The following PCDHGA7 variants were observed in gnomAD, a reference collection of about 807,000 sequenced individuals.
PCDHGA7 encodes the protein protocadherin gamma-A7.
A neutral mutation model predicts 58.3 loss-of-function variants in PCDHGA7; 44 were observed. That is an observed-to-expected ratio of 0.75 (90% confidence interval 0.59 to 0.97). PCDHGA7 has a LOEUF of 0.97. Ranked by LOEUF, PCDHGA7 falls within the 50% of genes least tolerant of loss-of-function variation. The pLI, the probability that PCDHGA7 is intolerant of heterozygous loss-of-function variation, is 0.00. For synonymous variants in PCDHGA7, 516 were observed against 504.2 expected (o/e 1.02, Z -0.31); for missense variants, 1,266 against 1,188.7 (o/e 1.06, Z -0.96).
chr5:141,395,370 G>C, intron 1 of PCDHGA7: 1 of 1,207,198 alleles, frequency 8.3e-7, no homozygotes, highest in Non-Finnish European at 1.1e-6. Context: ...GTTTATTTTG[G>C]TGGTGTTACT....
In PCDHGA7 at chr5:141,383,906, C is replaced by T. The variant is rs1779578930; in HGVS notation, c.1007C>T (p.Thr336Ile). 6.2e-7 allele frequency: 1 copy of T among 1,613,814 alleles called. No homozygotes were observed. Among genetic ancestry groups the T allele is most frequent in the African/African-American group, 1.3e-5 (1 of 74,912 alleles). The change falls in exon 1 of 4, where the codon ACA (threonine) becomes ATA (isoleucine). Residue 336 changes from threonine (T) to isoleucine (I), a missense_variant. Transcript: ENST00000518325. ...CTGACAAAGGCAAAAGTACTGATCA[C>T]AGTTTTAGATGTAAATGATAATGCT... ...GSLTKAKVLI[T>I]VLDVNDNAPE... is the part of the protein sequence containing the mutation.
rs550977374 is a variant in PCDHGA7, at chr5:141,447,118, G to A, written c.2425-47689G>A. 9.2e-5 allele frequency among the ~76,000 whole-genome samples: 14 copies of A among 151,984 alleles called. No individual in the cohort carries two copies. The East Asian group carries it at 2.7e-3, about 29-fold the overall frequency. ...TTCACATGATTATATGTGCTCCATGGATTTTTTTGTTTGTTTGTTTTTTGT... is the reference window on the plus strand; with the variant it reads ...TTCACATGATTATATGTGCTCCATGAATTTTTTTGTTTGTTTGTTTTTTGT... On this transcript the variant is annotated intron_variant, in intron 1 of 3. Transcript: ENST00000518325.
At position 141,493,841 on chromosome 5, in the gene PCDHGA7, T is replaced by C. The variant is rs774682943; in HGVS notation, c.2425-966T>C. On this transcript the variant is annotated intron_variant, in intron 1 of 3. Transcript: ENST00000518325. The surrounding 1 kb of genome is among the most constrained non-coding windows in gnomAD (Gnocchi z 4.3). ...CTCTGCTTCTGGGAGCAAGTATGAGTATTAATTACCAGCCCACCCCAGAAC... is the reference window on the plus strand; with the variant it reads ...CTCTGCTTCTGGGAGCAAGTATGAGCATTAATTACCAGCCCACCCCAGAAC... Among the ~76,000 whole-genome samples the C allele has an allele frequency of 3.3e-5, 5 of 152,140 alleles. No homozygotes were observed. In the East Asian group the frequency reaches 9.7e-4, roughly 29 times the overall value.
At chr5:141,470,025 A>T (rs2099219670) in intron 1 of PCDHGA7, among the ~76,000 whole-genome samples, 1 of 152,156 alleles carries the variant, frequency 6.6e-6, no homozygotes, top group African/African-American at 2.4e-5. Context: ...GCTACTCGGG[A>T]TGCTGAGGCG....
chr5:141,389,309 T>C (rs763262842), intron 1 of PCDHGA7: 1 of 1,613,900 alleles, frequency 6.2e-7, no homozygotes, highest in African/African-American at 1.3e-5. Context: ...TCAGGGCTTC[T>C]GATCCGGACT....
intron 1 of PCDHGA7, among the ~76,000 whole-genome samples, chr5:141,387,512 T>G (rs1371060044): frequency 1.3e-5 from 2 of 152,256 alleles, no homozygotes; most frequent in South Asian, 4.1e-4. Flanking sequence ...TTAGACGTCA[T>G]TAAATATACA....
chr5:141,447,775 AT>A (rs1463090729), intron 1 of PCDHGA7, among the ~76,000 whole-genome samples: 2 of 152,212 alleles, frequency 1.3e-5, no homozygotes, highest in Non-Finnish European at 2.9e-5. Flanking sequence ...TTATACTTTA[AT>A]TGAAAATAAA....
rs1342481070 is a variant in PCDHGA7 at position 141,485,056 on chromosome 5, C to T, written c.2425-9751C>T. 8 of 840,338 alleles carry T rather than the reference C, an allele frequency of 9.5e-6. No homozygotes were observed. The Admixed American group carries it at 1.9e-4, about 20-fold the overall frequency. 52.1% of individuals were successfully genotyped at this position (840,338 alleles called of 1,614,324 possible). A position where few individuals can be genotyped will look rare whatever the true frequency, so the allele number is the denominator to read the frequency against. The stretch of plus-strand genomic sequence containing the variant: ...CGTAACCCTTGCGGCGCCGGCCGAA[C>T]CGCGCCAGAGCTGGCGCGGGGAAAG... On this transcript the variant is annotated intron_variant, in intron 1 of 3. Transcript: ENST00000518325. The surrounding 1 kb of genome is among the most constrained non-coding windows in gnomAD (Gnocchi z 5.7).
At chr5:141,403,831 G>T (rs1207086715) in intron 1 of PCDHGA7, 1 of 1,613,760 alleles carries the variant, frequency 6.2e-7, no homozygotes. Context: ...TGCTATTCCA[G>T]CTTAATGAAA....
chr5:141,427,381 T>G (rs1315804574), intron 1 of PCDHGA7: 1 of 458,822 alleles, frequency 2.2e-6, no homozygotes, highest in Middle Eastern at 3.2e-4. Context: ...GTGATCACTC[T>G]GTTCAAAACA....
At chr5:141,424,078 T>C in intron 1 of PCDHGA7, 1 of 975,828 alleles carries the variant, frequency 1.0e-6, no homozygotes, top group South Asian at 4.8e-5. Context: ...GTAGTTATAT[T>C]CCACCATTAT....
intron 1 of PCDHGA7, chr5:141,410,207 C>T: frequency 6.2e-7 from 1 of 1,614,024 alleles, no homozygotes; most frequent in African/African-American, 1.3e-5. Context: ...AGACAACTTG[C>T]AAGAGATACT....
At chr5:141,400,557 ACC>A in intron 1 of PCDHGA7, 5 of 1,613,254 alleles carry the variant, frequency 3.1e-6, no homozygotes, top group Non-Finnish European at 3.4e-6. Context: ...CTTTTTCATT[ACC>A]CACCCAATTT....
At chr5:141,392,763 A>G in intron 1 of PCDHGA7, 4 of 1,480,256 alleles carry the variant, frequency 2.7e-6, no homozygotes, top group Non-Finnish European at 3.6e-6. Context: ...ACTAAATAAG[A>G]CCCATTTATG....
At chr5:141,509,845 C>G (rs1021433327) in intron 3 of PCDHGA7, among the ~76,000 whole-genome samples, 1 of 152,190 alleles carries the variant, frequency 6.6e-6, no homozygotes, top group African/African-American at 2.4e-5. Context: ...CCCATTCACT[C>G]AGAACAGGGA....
chr5:141,491,152 G>A lies in PCDHGA7; in HGVS notation c.2425-3655G>A. 1 of 1,614,168 alleles carries A rather than the reference G, an allele frequency of 6.2e-7. No homozygotes were observed. The highest frequency in any genetic ancestry group is 8.5e-7 in the Non-Finnish European group (1 of 1,179,990). On this transcript the variant is annotated intron_variant, in intron 1 of 3. Transcript: ENST00000518325. The surrounding 1 kb of genome is among the most constrained non-coding windows in gnomAD (Gnocchi z 6.9). ...CACAGCCCGGGCCTTACTGGAGGAT[G>A]ACTCTGACACCCAGCAGGTGGTGGT...
chr5:141,487,491 C>A lies in PCDHGA7; in HGVS notation c.2425-7316C>A. On this transcript the variant is annotated intron_variant, in intron 1 of 3. Transcript: ENST00000518325. This position sits in a 1 kb window ranked among gnomAD's most constrained non-coding sequence, Gnocchi z 5.0. The stretch of plus-strand genomic sequence containing the variant: ...GTGGGAGGCCACTCTCATGGCTGTA[C>A]ACCCTTGGCTTCTGCACCCACTCGG... The A allele has an allele frequency of 6.2e-7, 1 of 1,614,204 alleles. No individual in the cohort carries two copies. The highest frequency in any genetic ancestry group is 8.5e-7 in the Non-Finnish European group (1 of 1,180,034).
At chr5:141,458,132 G>C (rs2098938269) in intron 1 of PCDHGA7, among the ~76,000 whole-genome samples, 1 of 152,218 alleles carries the variant, frequency 6.6e-6, no homozygotes, top group South Asian at 2.1e-4. Flanking sequence ...GAACCAGGCA[G>C]AGAAAAATGA....
chr5:141,478,392 A>G, intron 1 of PCDHGA7: 1 of 1,613,560 alleles, frequency 6.2e-7, no homozygotes, highest in Non-Finnish European at 8.5e-7. Context: ...CTTTACCATC[A>G]GGTGTATCTC....
Sources: gnomAD v4.1 joint callset for allele counts (sites outside exome capture counted in the v4.1 genomes callset) on GRCh38, gnomAD v4.1.1 for gene constraint, Gnocchi (gnomAD v3.1) non-coding constraint, MANE v1.5 for transcripts, NCBI Gene and HGNC (gene_info 2026-07-23, HGNC 2026-07-21) for gene names.